GPD2: variants seen among roughly 807,000 people sequenced by gnomAD.
The protein encoded by GPD2 is glycerol-3-phosphate dehydrogenase, mitochondrial.
A neutral mutation model predicts 82.4 loss-of-function variants in GPD2; 54 were observed. That is an observed-to-expected ratio of 0.66 (90% CI 0.53 to 0.82). The LOEUF is 0.82. GPD2 is among the 40% of genes least tolerant of loss of function. GPD2 has a pLI of 0.00. For missense variants in GPD2, 748 were observed against 896.2 expected (o/e 0.83, Z 2.11); for synonymous variants, 288 against 306.1 (o/e 0.94, Z 0.62).
At chr2:156,542,332 A>T (rs1234139842) in intron 6 of GPD2, among the ~76,000 whole-genome samples, 1 of 152,200 alleles carries the variant, frequency 6.6e-6, no homozygotes, top group Admixed American at 6.5e-5. Flanking sequence ...CCTGCATTTA[A>T]TTGTACCTTT....
upstream of GPD2, among the ~76,000 whole-genome samples, chr2:156,434,584 A>C (rs1688371264): frequency 6.6e-6 from 1 of 152,200 alleles, no homozygotes; most frequent in African/African-American, 2.4e-5. Context: ...ATCGCCTCTG[A>C]GCATGAGTGT....
chr2:156,426,335 CCTT>C, the GPD2 span, among the ~76,000 whole-genome samples: 1 of 152,192 alleles, frequency 6.6e-6, no homozygotes. Context: ...AAGCAAGACA[CCTT>C]CTTCACAAGG....
chr2:156,454,788 G>T (rs1242216642), intron 1 of GPD2, among the ~76,000 whole-genome samples: 2 of 152,228 alleles, frequency 1.3e-5, no homozygotes, highest in South Asian at 2.1e-4. Context: ...GCTAGGGTTA[G>T]TCCTGGTGAT....
chr2:156,462,275 C>A, intron 1 of GPD2, among the ~76,000 whole-genome samples: 1 of 151,802 alleles, frequency 6.6e-6, no homozygotes, highest in East Asian at 1.9e-4. Flanking sequence ...GTTTGACATT[C>A]TTTTTTTCTT....
chr2:156,544,952 G>C (rs1686473744), intron 6 of GPD2, among the ~76,000 whole-genome samples: 1 of 152,118 alleles, frequency 6.6e-6, no homozygotes, highest in Non-Finnish European at 1.5e-5. Context: ...TTTTGTAAAT[G>C]GTTTATGTTT....
At chr2:156,523,259 C>T (rs1363612761) in intron 6 of GPD2, among the ~76,000 whole-genome samples, 3 of 152,102 alleles carry the variant, frequency 2.0e-5, no homozygotes, top group Admixed American at 6.5e-5. Context: ...CTTCCCCCTC[C>T]CCTAACCCCT....
At chr2:156,436,771 T>C (rs1681939782) in intron 1 of GPD2, among the ~76,000 whole-genome samples, 3 of 152,194 alleles carry the variant, frequency 2.0e-5, no homozygotes, top group African/African-American at 4.8e-5. Flanking sequence ...TGGTACCCCA[T>C]TGAAAGTTCA....
chr2:156,447,361 G>T (rs1341478501), intron 1 of GPD2, among the ~76,000 whole-genome samples: 1 of 151,562 alleles, frequency 6.6e-6, no homozygotes, highest in Non-Finnish European at 1.5e-5. Context: ...CTGAGACAGG[G>T]TCTTATCCTG....
intron 1 of GPD2, among the ~76,000 whole-genome samples, chr2:156,436,780 C>T (rs1042520970): frequency 6.6e-6 from 1 of 152,152 alleles, no homozygotes; most frequent in Non-Finnish European, 1.5e-5. Context: ...ATTGAAAGTT[C>T]ATGCAAACTT....
chr2:156,581,284 C>G (rs1315227788), intron 16 of GPD2, among the ~76,000 whole-genome samples: 2 of 152,034 alleles, frequency 1.3e-5, no homozygotes, highest in Admixed American at 1.3e-4. Flanking sequence ...CCATATTCCT[C>G]ATGAAATATA....
intron 13 of GPD2, among the ~76,000 whole-genome samples, chr2:156,578,410 C>A (rs1687902047): frequency 6.6e-6 from 1 of 151,552 alleles, no homozygotes; most frequent in Non-Finnish European, 1.5e-5. Context: ...AGAATTTGAT[C>A]CTGTAGATTT....
At chr2:156,515,053 T>C (rs1470735015) in intron 6 of GPD2, among the ~76,000 whole-genome samples, 1 of 152,218 alleles carries the variant, frequency 6.6e-6, no homozygotes, top group Non-Finnish European at 1.5e-5. Flanking sequence ...TTTTCTATAC[T>C]TTGTGATCTA....
chr2:156,518,294 T>C (rs930502598), intron 6 of GPD2, among the ~76,000 whole-genome samples: 2 of 152,090 alleles, frequency 1.3e-5, no homozygotes, highest in African/African-American at 4.8e-5. Context: ...GAGGTAAAAA[T>C]GCACTGAAGT....
intron 2 of GPD2, among the ~76,000 whole-genome samples, chr2:156,477,185 C>G (rs1683543794): frequency 6.6e-6 from 1 of 152,274 alleles, no homozygotes; most frequent in East Asian, 1.9e-4. Context: ...AATCCCAGCA[C>G]TTTGGGAGGC....
the GPD2 span, among the ~76,000 whole-genome samples, chr2:156,411,603 A>G: frequency 6.6e-6 from 1 of 152,182 alleles, no homozygotes; most frequent in Non-Finnish European, 1.5e-5. Context: ...ATCTGTATAT[A>G]CAGAATCTAA....
Position 156,570,270 on chromosome 2 carries a change from T to C in GPD2, c.1608+52T>C, listed in dbSNP as rs187516598. The stretch of plus-strand genomic sequence containing the variant: ...CATGTCTGCCATGGGATACCATTTA[T>C]CTGTTCATTTGTCATCTTTAAAAAT... On this transcript the variant is annotated intron_variant, in intron 12 of 16. Coordinates refer to ENST00000438166, the MANE Select transcript of GPD2 (RefSeq NM_000408.5). The C allele has an allele frequency of 2.4e-3, 3,618 of 1,535,580 alleles. 7 individuals carry two copies. The highest frequency in any genetic ancestry group is 3.0e-3 in the Non-Finnish European group (3,284 of 1,109,338).
At chr2:156,419,687 G>A in the GPD2 span, among the ~76,000 whole-genome samples, 2 of 152,180 alleles carry the variant, frequency 1.3e-5, no homozygotes, top group Non-Finnish European at 2.9e-5. Context: ...GAGACAGAAT[G>A]TGGTTGAGTT....
chr2:156,561,080 CT>C (rs1687156079), intron 9 of GPD2, among the ~76,000 whole-genome samples: 1 of 41,406 alleles, frequency 2.4e-5, no homozygotes, highest in Non-Finnish European at 4.9e-5. Context: ...TGGATTCTCA[CT>C]TTGTAGCTCA....
At chr2:156,545,672 C>T (rs1686501589) in intron 6 of GPD2, among the ~76,000 whole-genome samples, 1 of 152,158 alleles carries the variant, frequency 6.6e-6, no homozygotes, top group African/African-American at 2.4e-5. Context: ...TGTAGACTGA[C>T]ATAAATAAGA....
Sources: allele counts gnomAD v4.1 joint callset (sites outside exome capture counted in the v4.1 genomes callset), GRCh38; gene constraint gnomAD v4.1.1; transcripts MANE v1.5; gene names NCBI Gene and HGNC (gene_info 2026-07-23, HGNC 2026-07-21).